SLC1A2: variants seen among roughly 807,000 people sequenced by gnomAD.
SLC1A2 encodes the protein excitatory amino acid transporter 2.
Under a neutral mutation model 48.8 loss-of-function variants are expected in SLC1A2, and 15 were observed. That is an observed-to-expected ratio of 0.31 (90% confidence interval 0.21 to 0.47). The LOEUF (loss-of-function observed/expected upper bound fraction) is 0.47. Ranked by LOEUF, SLC1A2 falls within the 20% of genes least tolerant of loss-of-function variation. The pLI, the probability that SLC1A2 is intolerant of heterozygous loss-of-function variation, is 0.99. For missense variants in SLC1A2, 502 were observed against 730.5 expected (o/e 0.69, Z 3.61); for synonymous variants, 279 against 272.6 (o/e 1.02, Z -0.23).
In SLC1A2 at chr11:35,325,964, CAA is replaced by C. The variant is rs35256511; in HGVS notation, c.18-8450_18-8449del. Among the ~76,000 whole-genome samples the C allele has an allele frequency of 1.0e-4, 10 of 96,272 alleles. No homozygotes were observed. In the South Asian group the frequency reaches 1.2e-3, roughly 11 times the overall value. The allele number at this position is 96,272 out of a possible 152,430, so 63.2% of individuals were successfully genotyped here. A position where few individuals can be genotyped will look rare whatever the true frequency, so the allele number is the denominator to read the frequency against. ...GGGCAACAAGGGTGAAATTCTATCT[CAA>C]AAAAAAAAAAAAAAAAAAAGGAGGG... On this transcript the variant is annotated intron_variant, in intron 1 of 10. Coordinates refer to ENST00000278379, the MANE Select transcript of SLC1A2 (RefSeq NM_004171.4).
intron 1 of SLC1A2, among the ~76,000 whole-genome samples, chr11:35,358,869 G>T (rs2135119233): frequency 6.6e-6 from 1 of 152,222 alleles, no homozygotes; most frequent in East Asian, 1.9e-4. Flanking sequence ...GGAGGCGGTG[G>T]TCATTGTCAC....
rs1855700502 is a variant in SLC1A2 at position 35,419,055 on chromosome 11, C to G, written c.-89G>C. ...ACGCCGGGGTGAGCGCGAAGTGCGGCCGGGAGCGGTATTTAAGAGGAGCCT... is the reference window on the plus strand; with the variant it reads ...ACGCCGGGGTGAGCGCGAAGTGCGGGCGGGAGCGGTATTTAAGAGGAGCCT... On this transcript the variant is annotated 5_prime_UTR_variant, in exon 1 of 11. Coordinates refer to ENST00000278379, the MANE Select transcript of SLC1A2 (RefSeq NM_004171.4). This position sits in a 1 kb window ranked among gnomAD's most constrained non-coding sequence, Gnocchi z 5.4. 1.6e-6 allele frequency: 2 copies of G among 1,260,072 alleles called. No individual in the cohort carries two copies. The highest frequency in any genetic ancestry group is 1.5e-5 in the African/African-American group (1 of 66,248). The allele number at this position is 1,260,072 out of a possible 1,614,324, so 78.1% of individuals were successfully genotyped here.
intron 1 of SLC1A2, among the ~76,000 whole-genome samples, chr11:35,350,626 C>T (rs1471805318): frequency 1.3e-5 from 2 of 152,178 alleles, no homozygotes; most frequent in East Asian, 1.9e-4. Context: ...GGGATCCTTC[C>T]GTAAAGACAC....
intron 1 of SLC1A2, among the ~76,000 whole-genome samples, chr11:35,414,434 A>G (rs1855551563): frequency 6.6e-6 from 1 of 152,168 alleles, no homozygotes; most frequent in South Asian, 2.1e-4. Context: ...GCCTCCAGTC[A>G]ATGATGGAGC....
At chr11:35,276,851 A>G (rs888790463) in intron 9 of SLC1A2, among the ~76,000 whole-genome samples, 1 of 152,248 alleles carries the variant, frequency 6.6e-6, no homozygotes, top group East Asian at 1.9e-4. Context: ...TAGCATGCAG[A>G]ATCAGGTGTG....
intron 1 of SLC1A2, among the ~76,000 whole-genome samples, chr11:35,393,496 T>A (rs564527925): frequency 2.0e-5 from 3 of 152,284 alleles, no homozygotes; most frequent in African/African-American, 7.2e-5. Flanking sequence ...AGGTGACCCA[T>A]AGCACCCATA....
intron 1 of SLC1A2, among the ~76,000 whole-genome samples, chr11:35,358,305 A>G (rs1033574593): frequency 1.3e-5 from 2 of 152,206 alleles, no homozygotes; most frequent in Admixed American, 1.3e-4. Context: ...TCCCTTATGC[A>G]TACATTTATA....
chr11:35,415,982 CT>C (rs1227164257), intron 1 of SLC1A2, among the ~76,000 whole-genome samples: 1 of 152,222 alleles, frequency 6.6e-6, no homozygotes, highest in African/African-American at 2.4e-5. Flanking sequence ...TAAAAGCCAT[CT>C]CCGTAATTCT....
At chr11:35,340,045 T>G (rs1852780832) in intron 1 of SLC1A2, among the ~76,000 whole-genome samples, 1 of 152,242 alleles carries the variant, frequency 6.6e-6, no homozygotes, top group African/African-American at 2.4e-5. Flanking sequence ...CCTCAGGCTT[T>G]CTTGTTAAGC....
chr11:35,276,450 T>C (rs1019777529), intron 9 of SLC1A2, among the ~76,000 whole-genome samples: 2 of 148,684 alleles, frequency 1.3e-5, no homozygotes, highest in African/African-American at 5.0e-5. Flanking sequence ...ATCATCCTTT[T>C]TAAAAAAAAA....
In SLC1A2 at chr11:35,380,356, A is replaced by G. The variant is rs560783769; in HGVS notation, c.17+38594T>C. 123 of 398,652 alleles carry G rather than the reference A, an allele frequency of 3.1e-4. 1 individual carries two copies. The East Asian group carries it at 3.7e-3, about 12-fold the overall frequency. The allele number at this position is 398,652 out of a possible 1,614,324, so 24.7% of individuals were successfully genotyped here. ...GCTTCTGAAAAATAAGCCAGGTTGT[A>G]GCCCTGGTCATTGTGAGCACTAACC... On this transcript the variant is annotated intron_variant, in intron 1 of 10. Transcript: ENST00000278379.
At chr11:35,280,814 C>T in intron 9 of SLC1A2, 53 bp downstream of exon 9, 1 of 1,325,816 alleles carries the variant, frequency 7.5e-7, no homozygotes, top group Non-Finnish European at 1.0e-6. Flanking sequence ...ACCTGTGCAT[C>T]CCTAGGAGGC....
chr11:35,344,560 A>G (rs756416019), intron 1 of SLC1A2, among the ~76,000 whole-genome samples: 1 of 152,186 alleles, frequency 6.6e-6, no homozygotes, highest in Middle Eastern at 3.4e-3. Context: ...ACAATTTCAG[A>G]CCCCGGAAGA....
At chr11:35,350,608 G>T (rs1387015207) in intron 1 of SLC1A2, among the ~76,000 whole-genome samples, 1 of 152,164 alleles carries the variant, frequency 6.6e-6, no homozygotes, top group Non-Finnish European at 1.5e-5. Context: ...CTTAACCCCA[G>T]GTATCTGGGG....
At chr11:35,266,212 T>C (rs756146410) in intron 9 of SLC1A2, among the ~76,000 whole-genome samples, 8 of 152,226 alleles carry the variant, frequency 5.3e-5, no homozygotes, top group Non-Finnish European at 7.3e-5. Context: ...CTTACTTATT[T>C]GTTTTACTGA....
rs143622917 is a variant in SLC1A2 at position 35,291,106 on chromosome 11, A to G, written c.1091+1181T>C. ...GCAACAAGGACCTGAATGATGAGCT[A>G]TGGGTTTCAGAATTTGCTTGCCTCC... On this transcript the variant is annotated intron_variant, in intron 7 of 10. Coordinates refer to ENST00000278379, the MANE Select transcript of SLC1A2 (RefSeq NM_004171.4). Among the ~76,000 whole-genome samples the G allele has an allele frequency of 3.2e-4, 49 of 152,280 alleles. No homozygotes were observed. The East Asian group carries it at 6.6e-3, about 20-fold the overall frequency.
intron 1 of SLC1A2, among the ~76,000 whole-genome samples, chr11:35,326,001 A>G (rs185406156): frequency 2.0e-5 from 3 of 149,502 alleles, no homozygotes; most frequent in Non-Finnish European, 4.4e-5. Flanking sequence ...GAACACCTGC[A>G]TTGGGAAAAC....
chr11:35,384,231 G>A (rs1350210279), intron 1 of SLC1A2, among the ~76,000 whole-genome samples: 1 of 152,220 alleles, frequency 6.6e-6, no homozygotes. Flanking sequence ...CGGTGAGTGG[G>A]TGATTCATCA....
chr11:35,419,863 G>T, upstream of SLC1A2: 1 of 442,236 alleles, frequency 2.3e-6, no homozygotes, highest in Non-Finnish European at 4.7e-6. The surrounding 1 kb of genome is among the most constrained non-coding windows in gnomAD (Gnocchi z 5.4). Flanking sequence ...AGCCCCTGGC[G>T]CTCCCTCCTC....
Sources: gnomAD v4.1 joint callset for allele counts (sites outside exome capture counted in the v4.1 genomes callset) on GRCh38, gnomAD v4.1.1 for gene constraint, Gnocchi (gnomAD v3.1) non-coding constraint, MANE v1.5 for transcripts, NCBI Gene and HGNC (gene_info 2026-07-23, HGNC 2026-07-21) for gene names.